PRKN: variants seen among roughly 807,000 people sequenced by gnomAD.
The protein encoded by PRKN is parkin RBR E3 ubiquitin protein ligase.
Under a neutral mutation model 59.5 loss-of-function variants are expected in PRKN, and 56 were observed. The ratio of observed to expected loss-of-function variants is 0.94; its 90% CI spans 0.76 to 1.18. The LOEUF (loss-of-function observed/expected upper bound fraction) is 1.18, where lower values mean the gene tolerates loss of function less well. PRKN is among the 50% of genes most tolerant of loss of function. The pLI is 0.00. For missense variants in PRKN, 657 were observed against 596.4 expected, an observed-to-expected ratio of 1.10 and a Z score of -1.06; for synonymous variants, 250 against 222.1, an observed-to-expected ratio of 1.13 and a Z score of -1.12.
intron 3 of PRKN, among the ~76,000 whole-genome samples, chr6:162,218,210 C>A (rs894457335): frequency 6.6e-5 from 10 of 152,308 alleles, no homozygotes; most frequent in African/African-American, 2.4e-4. Context: ...CCAGGCCGCT[C>A]CCTGCGGAAG....
chr6:161,819,914 A>G (rs1791949356), intron 6 of PRKN, among the ~76,000 whole-genome samples: 1 of 152,228 alleles, frequency 6.6e-6, no homozygotes, highest in African/African-American at 2.4e-5. Flanking sequence ...AAAGCATAAT[A>G]TCCAAAACAG....
intron 3 of PRKN, among the ~76,000 whole-genome samples, chr6:162,211,976 TA>T (rs1275734678): frequency 2.0e-5 from 3 of 152,164 alleles, no homozygotes; most frequent in South Asian, 2.1e-4. Flanking sequence ...AAACATAGAT[TA>T]TTTTTTTCCT....
At position 162,173,612 on chromosome 6, in the gene PRKN, A is replaced by G. The variant is rs567188674; in HGVS notation, c.534+27519T>C. Among the ~76,000 whole-genome samples the G allele has an allele frequency of 9.9e-5, 15 of 151,734 alleles. No homozygotes were observed. The South Asian group carries it at 3.1e-3, about 32-fold the overall frequency. ...TGGCCTCAGGGAGAATCTGGCCTAC[A>G]ACACTGTTTACTATTTCAAGTCATG... is the stretch of plus-strand genomic sequence containing the variant. On this transcript the variant is annotated intron_variant, in intron 4 of 11. Coordinates refer to ENST00000366898, the MANE Select transcript of PRKN (RefSeq NM_004562.3).
chr6:162,151,641 C>G (rs1782274818), intron 4 of PRKN, among the ~76,000 whole-genome samples: 1 of 152,226 alleles, frequency 6.6e-6, no homozygotes, highest in Non-Finnish European at 1.5e-5. Flanking sequence ...TTTCCTTTTC[C>G]AAACACACAG....
chr6:162,361,774 G>C (rs889678019), intron 2 of PRKN, among the ~76,000 whole-genome samples: 1 of 152,130 alleles, frequency 6.6e-6, no homozygotes, highest in Non-Finnish European at 1.5e-5. Flanking sequence ...AGGAATTATA[G>C]TGTTAATATG....
rs1233210900 is a variant in PRKN at position 161,560,274 on chromosome 6, C to T, written c.933+9081G>A. Among the ~76,000 whole-genome samples the T allele has an allele frequency of 6.6e-6, 1 of 152,178 alleles. No individual in the cohort carries two copies. The highest frequency in any genetic ancestry group is 1.5e-5 in the Non-Finnish European group (1 of 68,036). ...GACTTAACTGAAACTGATCCATCTC[C>T]CTTGCAACCTTTTCAAGTGAAGGCT... On this transcript the variant is annotated intron_variant, in intron 8 of 11. Coordinates refer to ENST00000366898, the MANE Select transcript of PRKN (RefSeq NM_004562.3). The surrounding 1 kb of genome is among the most constrained non-coding windows in gnomAD (Gnocchi z 4.9).
intron 3 of PRKN, among the ~76,000 whole-genome samples, chr6:162,236,363 C>G (rs954539608): frequency 3.7e-4 from 56 of 152,312 alleles, no homozygotes; most frequent in African/African-American, 1.3e-3. Context: ...CAACCCCAGC[C>G]AGCAGAGAGC....
chr6:161,728,146 T>G (rs1787524008), intron 7 of PRKN, among the ~76,000 whole-genome samples: 1 of 152,096 alleles, frequency 6.6e-6, no homozygotes, highest in Admixed American at 6.6e-5. Flanking sequence ...CTGGGAAAGT[T>G]TTTGACAATT....
At chr6:162,267,460 G>A (rs566233546) in intron 2 of PRKN, among the ~76,000 whole-genome samples, 8 of 152,042 alleles carry the variant, frequency 5.3e-5, no homozygotes, top group African/African-American at 1.4e-4. Flanking sequence ...AGAGATTTTC[G>A]GTGGGAAGAC....
rs1365370052 is a variant in PRKN, at chr6:162,570,364, T to C, written c.8-126891A>G. Among the ~76,000 whole-genome samples, 6 of 152,324 alleles carry C rather than the reference T, an allele frequency of 3.9e-5. No individual in the cohort carries two copies. The East Asian group carries it at 1.2e-3, about 29-fold the overall frequency. ...CCCTCATATACTGTTGGTGAAAATG[T>C]AAATTACTACAACCACTATGGAGAA... On this transcript the variant is annotated intron_variant, in intron 1 of 11. Coordinates refer to ENST00000366898, the MANE Select transcript of PRKN (RefSeq NM_004562.3).
In PRKN at chr6:161,545,844, C is replaced by T. The variant is rs1296545951; in HGVS notation, c.1083+3010G>A. Among the ~76,000 whole-genome samples the T allele has an allele frequency of 1.3e-5, 2 of 152,222 alleles. No individual in the cohort carries two copies. Among genetic ancestry groups the T allele is most frequent in the Non-Finnish European group, 2.9e-5 (2 of 68,042 alleles). The stretch of plus-strand genomic sequence containing the variant: ...GCATAAATGTGCCTGGTACTCAGAT[C>T]AGACTTGAATAGTCACCATGGTTCC... On this transcript the variant is annotated intron_variant, in intron 9 of 11. Coordinates refer to ENST00000366898, the MANE Select transcript of PRKN (RefSeq NM_004562.3). The surrounding 1 kb of genome is among the most constrained non-coding windows in gnomAD (Gnocchi z 4.1).
At chr6:161,962,223 T>C (rs1344992247) in intron 6 of PRKN, among the ~76,000 whole-genome samples, 1 of 152,208 alleles carries the variant, frequency 6.6e-6, no homozygotes, top group Non-Finnish European at 1.5e-5. Context: ...GAGGGCAAGG[T>C]AGATCATATT....
At chr6:162,280,650 G>A (rs1780849849) in intron 2 of PRKN, among the ~76,000 whole-genome samples, 1 of 151,872 alleles carries the variant, frequency 6.6e-6, no homozygotes, top group South Asian at 2.1e-4. Context: ...AATTAGCTGG[G>A]CATGGTAGCG....
rs1777837741 is a variant in PRKN, at chr6:161,498,529, GC to G, written c.1083+50324del. Reference sequence around the variant, plus strand: ...CTAACCCAGTTAGATGTCGTCAAATGCCTTGTTTGGCCAATGAAATGTGGGT... The same window carrying G: ...CTAACCCAGTTAGATGTCGTCAAATGCTTGTTTGGCCAATGAAATGTGGGT... On this transcript the variant is annotated intron_variant, in intron 9 of 11. Transcript: ENST00000366898. This position sits in a 1 kb window ranked among gnomAD's most constrained non-coding sequence, Gnocchi z 4.2. 6.6e-6 allele frequency among the ~76,000 whole-genome samples: 1 copy of G among 152,148 alleles called. No individual in the cohort carries two copies. The highest frequency in any genetic ancestry group is 2.1e-4 in the South Asian group (1 of 4,822).
At chr6:161,795,228 C>CTTTTTTTTTTT (rs58319044) in intron 6 of PRKN, among the ~76,000 whole-genome samples, 2 of 128,426 alleles carry the variant, frequency 1.6e-5, no homozygotes, top group South Asian at 2.5e-4. Context: ...GTTTTCTTTT[C>CTTTTTTTTTTT]TTTTTTTTTT....
chr6:161,422,729 A>AAGGC (rs1788158277), intron 9 of PRKN, among the ~76,000 whole-genome samples: 2 of 152,158 alleles, frequency 1.3e-5, no homozygotes, highest in Non-Finnish European at 2.9e-5. Flanking sequence ...GGAAGAAAGG[A>AAGGC]AGGCAGGCAG....
chr6:161,670,172 C>G (rs535884952), intron 7 of PRKN, among the ~76,000 whole-genome samples: 4 of 152,110 alleles, frequency 2.6e-5, no homozygotes, highest in Non-Finnish European at 1.5e-5. Context: ...AGTGACTCTC[C>G]GGGTACTATC....
chr6:161,381,110 G>T (rs1295341680), intron 10 of PRKN, among the ~76,000 whole-genome samples: 2 of 152,234 alleles, frequency 1.3e-5, no homozygotes, highest in African/African-American at 4.8e-5. Flanking sequence ...AATATTGACA[G>T]GTCCATGAAG....
chr6:162,184,099 T>C (rs1016017597), intron 4 of PRKN, among the ~76,000 whole-genome samples: 1 of 152,230 alleles, frequency 6.6e-6, no homozygotes, highest in Admixed American at 6.5e-5. Context: ...TAAAAAGTCA[T>C]ATGTGCCTAG....
Sources: gnomAD v4.1 joint callset for allele counts (sites outside exome capture counted in the v4.1 genomes callset) on GRCh38, gnomAD v4.1.1 for gene constraint, Gnocchi (gnomAD v3.1) non-coding constraint, MANE v1.5 for transcripts, NCBI Gene and HGNC (gene_info 2026-07-23, HGNC 2026-07-21) for gene names.